DCAF8L2: variants seen among roughly 807,000 people sequenced by gnomAD.
DCAF8L2 encodes the protein DDB1- and CUL4-associated factor 8-like protein 2.
For missense variants in DCAF8L2, 430 were observed against 490.7 expected, an observed-to-expected ratio of 0.88 and a Z score of 1.17; for synonymous variants, 200 against 190.9, an observed-to-expected ratio of 1.05 and a Z score of -0.39.
the DCAF8L2 span, among the ~76,000 whole-genome samples, chrX:27,563,979 TG>T: frequency 8.9e-6 from 1 of 112,358 alleles, no homozygotes; most frequent in African/African-American, 3.2e-5. Flanking sequence ...TAATTTACAC[TG>T]GCTGTACTTT....
chrX:27,707,296 T>C (rs374765514), intron 3 of DCAF8L2, among the ~76,000 whole-genome samples: 2 of 112,095 alleles, frequency 1.8e-5, no homozygotes, highest in East Asian at 5.6e-4. Flanking sequence ...TCAATCATCC[T>C]GTTTAAAAAT....
rs1037154550 is a variant in DCAF8L2, at chrX:27,643,896, T to C, written c.-220+11896T>C. ...TGGTGACTAACATGCTAATATAGTG[T>C]TCCAAAACTATATTTCCTATAAAAG... On this transcript the variant is annotated intron_variant, in intron 2 of 4. Transcript: ENST00000451261. Among the ~76,000 whole-genome samples the C allele has an allele frequency of 2.9e-4, 32 of 111,825 alleles. 1 individual carries two copies. Among genetic ancestry groups the C allele is most frequent in the Non-Finnish European group, 1.5e-4 (8 of 53,136 alleles).
chrX:27,549,619 C>T, the DCAF8L2 span, among the ~76,000 whole-genome samples: 34 of 111,355 alleles, frequency 3.1e-4, no homozygotes, highest in Non-Finnish European at 5.8e-4. Context: ...AATGAGAAAA[C>T]ATCACTGAGG....
chrX:27,532,062 G>A, the DCAF8L2 span, among the ~76,000 whole-genome samples: 2 of 105,317 alleles, frequency 1.9e-5, no homozygotes, highest in South Asian at 4.2e-4. Context: ...AATTGATATC[G>A]ATATATATAT....
chrX:27,743,716 T>C (rs1333910299), intron 4 of DCAF8L2, among the ~76,000 whole-genome samples: 1 of 96,224 alleles, frequency 1.0e-5, no homozygotes, highest in Non-Finnish European at 2.0e-5. Flanking sequence ...TTTATTTATT[T>C]ATTTATTTAT....
chrX:27,622,837 A>G (rs1927842517), intron 1 of DCAF8L2, among the ~76,000 whole-genome samples: 1 of 110,989 alleles, frequency 9.0e-6, no homozygotes, highest in African/African-American at 3.3e-5. Context: ...TGATGACTTT[A>G]TTTCTTAAGC....
At position 27,749,830 on chromosome X, in the gene DCAF8L2, C is replaced by T. The variant is rs1218869190; in HGVS notation, c.*1039C>T. 8.9e-6 allele frequency among the ~76,000 whole-genome samples: 1 copy of T among 112,477 alleles called. No homozygotes were observed. The highest frequency in any genetic ancestry group is 9.4e-5 in the Admixed American group (1 of 10,606). Reference sequence around the variant, plus strand: ...TGACATCCTCACATTGCTTAAAATTCTCTCTGCTGTTTAAATTGCTTTAAA... The same window carrying T: ...TGACATCCTCACATTGCTTAAAATTTTCTCTGCTGTTTAAATTGCTTTAAA... On this transcript the variant is annotated 3_prime_UTR_variant, in exon 5 of 5. Transcript: ENST00000451261.
At chrX:27,699,731 T>C (rs1300812130) in intron 3 of DCAF8L2, among the ~76,000 whole-genome samples, 2 of 111,254 alleles carry the variant, frequency 1.8e-5, no homozygotes, top group Admixed American at 9.6e-5. Flanking sequence ...GTTAAGCAGA[T>C]AAGGGCCAAA....
At chrX:27,480,172 T>G in the DCAF8L2 span, among the ~76,000 whole-genome samples, 1 of 112,476 alleles carries the variant, frequency 8.9e-6, no homozygotes. Context: ...ACACATTTAT[T>G]GAGGACCATG....
At chrX:27,567,670 T>A in the DCAF8L2 span, among the ~76,000 whole-genome samples, 2 of 103,535 alleles carry the variant, frequency 1.9e-5, no homozygotes, top group Admixed American at 2.2e-4. Context: ...AATTATATGA[T>A]ACTTTATTCC....
chrX:27,730,249 A>C (rs186871388), intron 4 of DCAF8L2, among the ~76,000 whole-genome samples: 6 of 111,733 alleles, frequency 5.4e-5, no homozygotes, highest in African/African-American at 2.0e-4. Context: ...TTGAAATCAC[A>C]TATATTATTT....
chrX:27,730,700 G>T (rs1470905761), intron 4 of DCAF8L2, among the ~76,000 whole-genome samples: 3 of 99,466 alleles, frequency 3.0e-5, no homozygotes, highest in African/African-American at 1.1e-4. Context: ...TTACAGCTGC[G>T]CACAGCCACA....
At chrX:27,537,323 A>C in the DCAF8L2 span, among the ~76,000 whole-genome samples, 1 of 112,291 alleles carries the variant, frequency 8.9e-6, no homozygotes, top group Non-Finnish European at 1.9e-5. Flanking sequence ...CAGAAATAGA[A>C]AAAAATCAAC....
chrX:27,726,578 A>G (rs1041211784), intron 4 of DCAF8L2, among the ~76,000 whole-genome samples: 5 of 110,018 alleles, frequency 4.5e-5, no homozygotes, highest in African/African-American at 1.6e-4. Context: ...GCCCCATCAT[A>G]CTCCCTCCCC....
chrX:27,722,509 G>A (rs908012219), intron 4 of DCAF8L2, among the ~76,000 whole-genome samples: 1 of 111,295 alleles, frequency 9.0e-6, no homozygotes, highest in Non-Finnish European at 1.9e-5. Context: ...TCAGTAGAAA[G>A]CATACTTCAA....
intron 4 of DCAF8L2, among the ~76,000 whole-genome samples, chrX:27,738,120 G>A (rs144659255): frequency 3.1e-4 from 35 of 111,571 alleles, no homozygotes; most frequent in African/African-American, 1.0e-3. Flanking sequence ...GAGTAGTTAC[G>A]GTAATGTCCT....
chrX:27,507,043 G>C, the DCAF8L2 span, among the ~76,000 whole-genome samples: 1 of 110,761 alleles, frequency 9.0e-6, no homozygotes, highest in Non-Finnish European at 1.9e-5. Context: ...ATCATTCAAA[G>C]TTTTCTATGT....
intron 3 of DCAF8L2, among the ~76,000 whole-genome samples, chrX:27,688,316 A>G (rs1930584662): frequency 8.9e-6 from 1 of 112,109 alleles, no homozygotes; most frequent in Non-Finnish European, 1.9e-5. Flanking sequence ...ACCACAAAAT[A>G]TGAACACAGA....
the DCAF8L2 span, among the ~76,000 whole-genome samples, chrX:27,514,686 A>AAC: frequency 1.1e-5 from 1 of 87,959 alleles, no homozygotes; most frequent in Non-Finnish European, 2.1e-5. Context: ...AAAAAAAAAA[A>AAC]AAAAAAAAAC....
Sources: allele counts gnomAD v4.1 joint callset (sites outside exome capture counted in the v4.1 genomes callset), GRCh38; gene constraint gnomAD v4.1.1; transcripts MANE v1.5; gene names NCBI Gene and HGNC (gene_info 2026-07-23, HGNC 2026-07-21).